The following MYEF2 variants were observed in gnomAD, a reference collection of about 807,000 sequenced individuals.
MYEF2 encodes myelin expression factor 2, also known as myelin gene expression factor 2.
Under a neutral mutation model 75.2 loss-of-function variants are expected in MYEF2, and 37 were observed. That is an observed-to-expected ratio of 0.49 (90% confidence interval 0.38 to 0.65). The LOEUF (loss-of-function observed/expected upper bound fraction) is 0.65. MYEF2 is among the 30% of genes least tolerant of loss of function. The probability of loss-of-function intolerance (pLI) is 0.00; values close to 1 mark genes in which losing one functional copy is unlikely to be tolerated. For missense variants in MYEF2, 634 were observed against 771.4 expected (o/e 0.82, Z 2.11); for synonymous variants, 195 against 241.6 (o/e 0.81, Z 1.79).
Position 48,168,767 on chromosome 15 carries a change from A to C in MYEF2, c.234T>G (p.Asn78Lys). The C allele has an allele frequency of 6.2e-7, 1 of 1,613,762 alleles. No individual in the cohort carries two copies. Residue 78 changes from asparagine to lysine, a missense_variant, in exon 2 of 17, where the codon AAT (asparagine) becomes AAG (lysine). Transcript: ENST00000324324. ...KEKSTGSKKA[N>K]RFHPYSKDKN... is the part of the protein sequence containing the mutation. ...TGTCTTTTGAATAAGGATGAAATCT[A>C]TTGGCCTTCTTACTTCCTGTAGATT...
At chr15:48,175,082 T>C (rs2040470680) in intron 1 of MYEF2, among the ~76,000 whole-genome samples, 1 of 152,146 alleles carries the variant, frequency 6.6e-6, no homozygotes. Context: ...ATGATATATA[T>C]TATATTTTAT....
chr15:48,139,534 GAAC>G lies in MYEF2; in HGVS notation c.*3371_*3373del, dbSNP rs2038993062. ...TCCATTCCATAATAAAAAAAAAAAA[GAAC>G]AAAAAAACAAAAACAAAGCAAGGAG... On this transcript the variant is annotated 3_prime_UTR_variant, in exon 17 of 17. Transcript: ENST00000324324. The G allele has an allele frequency of 6.6e-6, 1 of 151,998 alleles. No homozygotes were observed. Among genetic ancestry groups the G allele is most frequent in the Non-Finnish European group, 1.4e-5 (1 of 71,410 alleles). The allele number at this position is 151,998 out of a possible 1,614,324, so 9.4% of individuals were successfully genotyped here.
rs2039580891 is a variant in MYEF2 at position 48,153,686 on chromosome 15, C to T, written c.1087+106G>A. Reference sequence around the variant, plus strand: ...ATGAAGTGACACCGTAAATATCTAACTATTAATTAGAGTCCTTTAAACATT... The same window carrying T: ...ATGAAGTGACACCGTAAATATCTAATTATTAATTAGAGTCCTTTAAACATT... On this transcript the variant is annotated intron_variant, in intron 10 of 16. Transcript: ENST00000324324. 3 of 835,626 alleles carry T rather than the reference C, an allele frequency of 3.6e-6. No individual in the cohort carries two copies. The East Asian group carries it at 8.2e-5, about 23-fold the overall frequency. The allele number at this position is 835,626 out of a possible 1,614,324, so 51.8% of individuals were successfully genotyped here. A position where few individuals can be genotyped will look rare whatever the true frequency, so the allele number is the denominator to read the frequency against.
At chr15:48,157,938 T>TA in intron 9 of MYEF2, 55 bp downstream of exon 9, 1 of 1,607,676 alleles carries the variant, frequency 6.2e-7, no homozygotes, top group South Asian at 1.1e-5. Flanking sequence ...GCTTAGCACA[T>TA]AATAAAACAA....
Position 48,142,500 on chromosome 15 carries a change from A to G in MYEF2, c.*408T>C. The stretch of plus-strand genomic sequence containing the variant: ...TAAAACCAACCAAAATCACATCCTA[A>G]TTTTTCTGAGCCCTTTCTTTTCATG... On this transcript the variant is annotated 3_prime_UTR_variant, in exon 17 of 17. Coordinates refer to ENST00000324324, the MANE Select transcript of MYEF2 (RefSeq NM_016132.5). 1.7e-6 allele frequency: 1 copy of G among 587,548 alleles called. No homozygotes were observed. Among genetic ancestry groups the G allele is most frequent in the Admixed American group, 3.6e-5 (1 of 27,648 alleles). The allele number at this position is 587,548 out of a possible 1,614,324, so 36.4% of individuals were successfully genotyped here.
chr15:48,150,820 G>C (rs998894038), intron 14 of MYEF2, among the ~76,000 whole-genome samples: 3 of 152,082 alleles, frequency 2.0e-5, no homozygotes, highest in Admixed American at 1.3e-4. Flanking sequence ...AACATGATCA[G>C]AGAAATCCCC....
chr15:48,146,062 G>A (rs1296019519), intron 16 of MYEF2, among the ~76,000 whole-genome samples: 1 of 151,880 alleles, frequency 6.6e-6, no homozygotes, highest in East Asian at 1.9e-4. Context: ...ATGGCTTATA[G>A]CAGGAATAAC....
chr15:48,141,080 A>G lies in MYEF2; in HGVS notation c.*1828T>C. The G allele has an allele frequency of 6.5e-7, 1 of 1,541,326 alleles. No homozygotes were observed. The highest frequency in any genetic ancestry group is 1.4e-5 in the African/African-American group (1 of 73,218). ...GCAAAGGATGGTTAGTGAATCTTTAAGATTTGTAACTTGAAATATCTGTTT... is the reference window on the plus strand; with the variant it reads ...GCAAAGGATGGTTAGTGAATCTTTAGGATTTGTAACTTGAAATATCTGTTT... On this transcript the variant is annotated 3_prime_UTR_variant, in exon 17 of 17. Coordinates refer to ENST00000324324, the MANE Select transcript of MYEF2 (RefSeq NM_016132.5).
chr15:48,177,906 G>C (rs984045889), intron 1 of MYEF2, among the ~76,000 whole-genome samples, 171 bp downstream of exon 1: 3 of 152,154 alleles, frequency 2.0e-5, no homozygotes, highest in African/African-American at 7.2e-5. Flanking sequence ...GGCGGGCGGG[G>C]AAGGGCCTGG....
At chr15:48,171,479 T>C (rs1198651253) in intron 1 of MYEF2, among the ~76,000 whole-genome samples, 1 of 139,802 alleles carries the variant, frequency 7.2e-6, no homozygotes, top group African/African-American at 2.7e-5. Flanking sequence ...AAATATTTAC[T>C]CAAAGATGAT....
chr15:48,145,172 T>C (rs1284799245), intron 16 of MYEF2, among the ~76,000 whole-genome samples: 2 of 151,840 alleles, frequency 1.3e-5, no homozygotes, highest in Non-Finnish European at 3.0e-5. Flanking sequence ...ATGTTCAAGC[T>C]ATATGGACAG....
At position 48,151,932 on chromosome 15, in the gene MYEF2, A is replaced by C. The variant is rs373480922; in HGVS notation, c.1149T>G (p.Phe383Leu). The C allele has an allele frequency of 6.2e-7, 1 of 1,613,424 alleles. No individual in the cohort carries two copies. Among genetic ancestry groups the C allele is most frequent in the Non-Finnish European group, 8.5e-7 (1 of 1,179,526 alleles). Residue 383 changes from phenylalanine to leucine, a missense_variant, in exon 12 of 17, where the codon TTT becomes TTG. Physicochemically the swap from Phe to Leu is conservative, Grantham distance 22. Transcript: ENST00000324324. ...GMNRIGGGIGFGGLEAMNSMG... is the reference protein window; with the variant it reads ...GMNRIGGGIGLGGLEAMNSMG... ...TGCTATTCATTGCTTCCAGACCACC[A>C]AACCCTATTCCTATGGAATAAAGAT...
chr15:48,169,956 A>G (rs747452630), intron 1 of MYEF2: 2 of 152,194 alleles, frequency 1.3e-5, no homozygotes, highest in Non-Finnish European at 2.9e-5. Context: ...CCGTAATCAC[A>G]ATGCAACTCT....
chr15:48,142,114 T>C lies in MYEF2; in HGVS notation c.*794A>G. 1 of 1,613,894 alleles carries C rather than the reference T, an allele frequency of 6.2e-7. No individual in the cohort carries two copies. The highest frequency in any genetic ancestry group is 1.7e-5 in the Admixed American group (1 of 60,022). ...TTGGTATTCCATGGTTTATTAAAACTGCATTTATAAATGGATCAGCTCCTG... is the reference window on the plus strand; with the variant it reads ...TTGGTATTCCATGGTTTATTAAAACCGCATTTATAAATGGATCAGCTCCTG... On this transcript the variant is annotated 3_prime_UTR_variant, in exon 17 of 17. Transcript: ENST00000324324.
chr15:48,156,036 C>T lies in MYEF2; in HGVS notation c.985+1957G>A, dbSNP rs147676080. ...CAAGTGATCCACCTGCCTGGGCCTC[C>T]CAAAGTGCTGGGATTACAGGTGTTA... On this transcript the variant is annotated intron_variant, in intron 9 of 16. Transcript: ENST00000324324. Among the ~76,000 whole-genome samples the T allele has an allele frequency of 4.8e-3, 734 of 152,144 alleles. 5 individuals carry two copies. The highest frequency in any genetic ancestry group is 0.017 in the African/African-American group (701 of 41,504).
At chr15:48,151,069 C>T (rs1226417066) in intron 14 of MYEF2, 31 bp downstream of exon 14, 2 of 1,499,010 alleles carry the variant, frequency 1.3e-6, no homozygotes, top group Non-Finnish European at 1.8e-6. Flanking sequence ...TCAAATATTA[C>T]TGAATAAATT....
chr15:48,151,589 C>G lies in MYEF2; in HGVS notation c.1208-18G>C. The G allele has an allele frequency of 6.3e-7, 1 of 1,585,564 alleles. No homozygotes were observed. The highest frequency in any genetic ancestry group is 8.6e-7 in the Non-Finnish European group (1 of 1,166,330). ...GTACAGCTCTGAAAAAATTGTGCAA[C>G]AAATTAACCTTTTCAAATATATCAA... On this transcript the variant is annotated intron_variant, in intron 12 of 16. Coordinates refer to ENST00000324324, the MANE Select transcript of MYEF2 (RefSeq NM_016132.5).
rs185569820 is a variant in MYEF2 at position 48,170,921 on chromosome 15, A to T, written c.162-2082T>A. ...ATGTTGCCAGAAAAACTGCTAGAAT[A>T]AAGAAAGAGACATTTGGACCAAACT... On this transcript the variant is annotated intron_variant, in intron 1 of 16. Transcript: ENST00000324324. 3.0e-3 allele frequency among the ~76,000 whole-genome samples: 454 copies of T among 152,332 alleles called. 2 individuals are homozygous for T. Among genetic ancestry groups the T allele is most frequent in the African/African-American group, 0.01 (419 of 41,576 alleles).
chr15:48,151,793 A>G (rs1567247456), intron 12 of MYEF2, 81 bp downstream of exon 12: 3 of 1,504,464 alleles, frequency 2.0e-6, no homozygotes, highest in Admixed American at 1.7e-5. Flanking sequence ...TTTAGCACAC[A>G]TTCCTAAGTT....
Sources: allele counts gnomAD v4.1 joint callset (sites outside exome capture counted in the v4.1 genomes callset), GRCh38; gene constraint gnomAD v4.1.1; transcripts MANE v1.5; gene names NCBI Gene and HGNC (gene_info 2026-07-23, HGNC 2026-07-21).